Variants in TENM1 observed in about 807,000 individuals in gnomAD.
The protein encoded by TENM1 is teneurin-1.
In TENM1, 35 loss-of-function variants were observed where a neutral mutation model predicts 174.8. That is an observed-to-expected ratio of 0.20 (90% confidence interval 0.15 to 0.27). The LOEUF is 0.27. Among genes scored for constraint, TENM1 ranks in the 10% least tolerant of loss-of-function variants. The pLI is 1.00. For missense variants in TENM1, 1,633 were observed against 2,130.1 expected, an observed-to-expected ratio of 0.77 and a Z score of 4.59; for synonymous variants, 781 against 798.7, an observed-to-expected ratio of 0.98 and a Z score of 0.37.
At chrX:124,848,476 T>C (rs928424296) in intron 3 of TENM1, among the ~76,000 whole-genome samples, 4 of 111,391 alleles carry the variant, frequency 3.6e-5, no homozygotes, top group African/African-American at 1.3e-4. Context: ...GAATAAACAC[T>C]GTTGCTAGGA....
chrX:125,083,585 A>T, the TENM1 span, among the ~76,000 whole-genome samples: 1 of 110,850 alleles, frequency 9.0e-6, no homozygotes, highest in Non-Finnish European at 1.9e-5. Flanking sequence ...AGTCAAAAAA[A>T]CCCCACATAT....
At chrX:124,457,074 T>C (rs2061116700) in intron 22 of TENM1, among the ~76,000 whole-genome samples, 1 of 112,218 alleles carries the variant, frequency 8.9e-6, no homozygotes, top group South Asian at 3.7e-4. Context: ...TAGGCCGTGA[T>C]GCAAGGCAGG....
chrX:124,419,216 G>A (rs1000619970), intron 25 of TENM1, among the ~76,000 whole-genome samples: 1 of 112,213 alleles, frequency 8.9e-6, no homozygotes. Context: ...TTGTACAGAT[G>A]GCATTTCTTT....
At chrX:125,200,654 T>TGTGAGAGAGAGAGAGA in the TENM1 span, among the ~76,000 whole-genome samples, 396 of 92,398 alleles carry the variant, frequency 4.3e-3, 8 homozygotes, top group African/African-American at 0.016. Context: ...TGTGTGTGTG[T>TGTGAGAGAGAGAGAGA]GAGAGAGAGA....
chrX:124,559,159 A>AAATTAT (rs975716011), intron 14 of TENM1, among the ~76,000 whole-genome samples: 1 of 112,218 alleles, frequency 8.9e-6, no homozygotes, highest in African/African-American at 3.2e-5. Context: ...ACTGAGCCAG[A>AAATTAT]AATTATAATT....
the TENM1 span, among the ~76,000 whole-genome samples, chrX:125,065,077 G>A: frequency 1.8e-5 from 2 of 112,135 alleles, no homozygotes; most frequent in African/African-American, 6.5e-5. Context: ...AATTGTAACA[G>A]GGGATGAAAG....
intron 14 of TENM1, among the ~76,000 whole-genome samples, chrX:124,557,512 A>G (rs1263479821): frequency 5.5e-5 from 6 of 109,478 alleles, no homozygotes; most frequent in African/African-American, 1.7e-4. Context: ...AATCCAGTTG[A>G]AGTGTTTTTA....
chrX:125,151,726 G>A, the TENM1 span, among the ~76,000 whole-genome samples: 4,469 of 111,044 alleles, frequency 0.04, 224 homozygotes, highest in African/African-American at 0.14. Flanking sequence ...CCAACTTTGG[G>A]GACATCTGTC....
At chrX:125,198,550 G>A in the TENM1 span, among the ~76,000 whole-genome samples, 1 of 111,644 alleles carries the variant, frequency 9.0e-6, no homozygotes, top group East Asian at 2.8e-4. Context: ...CTTGAGTAGG[G>A]ACAAAGAGGG....
intron 3 of TENM1, among the ~76,000 whole-genome samples, chrX:124,772,475 G>A (rs1257203805): frequency 1.8e-5 from 2 of 111,594 alleles, no homozygotes; most frequent in African/African-American, 6.5e-5. Context: ...GGAATATTCC[G>A]GGGTAAGATT....
chrX:124,379,819 T>A (rs1161514352), exon 32 of TENM1: 1 of 111,620 alleles, frequency 9.0e-6, no homozygotes, highest in Non-Finnish European at 1.9e-5. Context: ...ACAGGTCGTG[T>A]GAGAGAGGTC....
intron 6 of TENM1, among the ~76,000 whole-genome samples, chrX:124,664,746 G>C (rs1401448327): frequency 9.4e-6 from 1 of 106,221 alleles, no homozygotes; most frequent in African/African-American, 3.4e-5. Context: ...GGAGGAGGGA[G>C]AATGCTCGCT....
At chrX:124,988,431 C>A in the TENM1 span, among the ~76,000 whole-genome samples, 1 of 111,808 alleles carries the variant, frequency 8.9e-6, no homozygotes, top group African/African-American at 3.2e-5. Context: ...ATTTTCAAAC[C>A]AAATCCAAAA....
chrX:124,622,676 A>G (rs2050544923), intron 11 of TENM1, among the ~76,000 whole-genome samples: 1 of 110,636 alleles, frequency 9.0e-6, no homozygotes. Context: ...TTCAAGTTAC[A>G]GTTTCGGATG....
intron 7 of TENM1, among the ~76,000 whole-genome samples, chrX:124,652,806 T>G (rs1350115534): frequency 8.9e-6 from 1 of 112,518 alleles, no homozygotes; most frequent in Non-Finnish European, 1.9e-5. Context: ...ACCTGGCACA[T>G]GTTTCCTTGA....
chrX:124,395,421 G>GAA (rs146691491), intron 27 of TENM1, among the ~76,000 whole-genome samples: 1 of 95,016 alleles, frequency 1.1e-5, no homozygotes, highest in Admixed American at 1.1e-4. Flanking sequence ...TTGAACTTCT[G>GAA]AAAAAAAAAA....
chrX:125,155,931 G>C, the TENM1 span, among the ~76,000 whole-genome samples: 1 of 112,916 alleles, frequency 8.9e-6, no homozygotes, highest in East Asian at 2.8e-4. Context: ...GGGCTGAAGG[G>C]CTCCTCAGGT....
At chrX:125,023,760 C>T in the TENM1 span, among the ~76,000 whole-genome samples, 1 of 111,640 alleles carries the variant, frequency 9.0e-6, no homozygotes, top group Non-Finnish European at 1.9e-5. Context: ...GAGGCTAAGA[C>T]CTAGACTCTT....
At chrX:124,867,207 T>C (rs770914165) in intron 3 of TENM1, among the ~76,000 whole-genome samples, 2 of 111,672 alleles carry the variant, frequency 1.8e-5, no homozygotes, top group Non-Finnish European at 3.8e-5. Flanking sequence ...TATAGGCCAA[T>C]ATTTCTGATG....
Sources: allele counts gnomAD v4.1 joint callset (sites outside exome capture counted in the v4.1 genomes callset), GRCh38; gene constraint gnomAD v4.1.1; transcripts MANE v1.5; gene names NCBI Gene and HGNC (gene_info 2026-07-23, HGNC 2026-07-21).